Variants in NHSL2 observed in about 807,000 individuals in gnomAD.
NHSL2 encodes the protein NHS-like protein 2.
A neutral mutation model predicts 53.4 loss-of-function variants in NHSL2; 27 were observed. The observed-to-expected ratio is 0.51, with a 90% CI of 0.37 to 0.70. NHSL2 has a LOEUF of 0.70. Among genes scored for constraint, NHSL2 ranks in the 30% least tolerant of loss-of-function variants. The probability of loss-of-function intolerance (pLI) is 0.00; values close to 1 mark genes in which losing one functional copy is unlikely to be tolerated. For synonymous variants in NHSL2, 408 were observed against 404.1 expected (o/e 1.01, Z -0.12); for missense variants, 892 against 980.1 (o/e 0.91, Z 1.20).
chrX:71,938,723 G>A (rs1192309371), intron 1 of NHSL2, among the ~76,000 whole-genome samples: 1 of 113,073 alleles, frequency 8.8e-6, no homozygotes, highest in African/African-American at 3.2e-5. Flanking sequence ...AGGAAATGGA[G>A]TGAAGAGAAT....
rs746076671 is a variant in NHSL2 at position 71,999,199 on chromosome X, C to T, written c.280+87832C>T. On this transcript the variant is annotated intron_variant, in intron 1 of 7. Transcript: ENST00000633930. The stretch of plus-strand genomic sequence containing the variant: ...ACATTCTATTACCCTCTATCGTATC[C>T]ATCGCTCTACAGGCACTGTCTGCTA... Among the ~76,000 whole-genome samples, 5 of 112,398 alleles carry T rather than the reference C, an allele frequency of 4.4e-5. No homozygotes were observed. The South Asian group carries it at 1.8e-3, about 41-fold the overall frequency.
chrX:72,134,468 A>G, intron 3 of NHSL2, 41 bp from the exon 4 acceptor site: 14 of 1,087,279 alleles, frequency 1.3e-5, no homozygotes, highest in Non-Finnish European at 1.6e-5. Flanking sequence ...GCTCATTGCC[A>G]GGCAGGAATA....
At chrX:72,067,614 A>G (rs776747440) in intron 1 of NHSL2, among the ~76,000 whole-genome samples, 2 of 112,402 alleles carry the variant, frequency 1.8e-5, no homozygotes, top group South Asian at 7.4e-4. Flanking sequence ...GCTGTGTTCA[A>G]TCTTCATGAT....
At chrX:71,991,837 TC>T (rs2042028692) in intron 1 of NHSL2, among the ~76,000 whole-genome samples, 1 of 110,818 alleles carries the variant, frequency 9.0e-6, no homozygotes, top group Non-Finnish European at 1.9e-5. Context: ...TCTCTCTCTC[TC>T]TCTCTCTCTC....
At chrX:72,000,940 T>C (rs961579694) in intron 1 of NHSL2, among the ~76,000 whole-genome samples, 2 of 112,345 alleles carry the variant, frequency 1.8e-5, no homozygotes, top group African/African-American at 6.5e-5. Flanking sequence ...GTGGGGGCTA[T>C]AATCCTGTCT....
intron 1 of NHSL2, among the ~76,000 whole-genome samples, chrX:71,999,726 A>G (rs2042064655): frequency 8.9e-6 from 1 of 112,220 alleles, no homozygotes; most frequent in Non-Finnish European, 1.9e-5. Flanking sequence ...AAGCTGGGTA[A>G]AGGGTACACA....
chrX:72,137,970 A>G (rs975766698), intron 5 of NHSL2, among the ~76,000 whole-genome samples: 1 of 111,483 alleles, frequency 9.0e-6, no homozygotes, highest in Non-Finnish European at 1.9e-5. Flanking sequence ...AAAGCCTAAA[A>G]GTGATGGGTG....
chrX:72,144,462 C>T lies in NHSL2; in HGVS notation c.*888C>T. On this transcript the variant is annotated 3_prime_UTR_variant, in exon 8 of 8. Transcript: ENST00000633930. ...TGCTGCATTCTAAGAACTCTCATTT[C>T]ATTTGCATATAAAATTCATTACAGG... is the stretch of plus-strand genomic sequence containing the variant. The T allele has an allele frequency of 2.2e-6, 2 of 916,116 alleles. No individual in the cohort carries two copies. Among genetic ancestry groups the T allele is most frequent in the Admixed American group, 2.5e-5 (1 of 39,901 alleles). The allele number at this position is 916,116 out of a possible 1,213,427, so 75.5% of individuals were successfully genotyped here.
chrX:71,972,429 A>G (rs909492565), intron 1 of NHSL2, among the ~76,000 whole-genome samples: 2 of 112,614 alleles, frequency 1.8e-5, no homozygotes, highest in African/African-American at 6.5e-5. Flanking sequence ...TGAATATGTC[A>G]TCTCAATACC....
chrX:72,131,295 TC>T, intron 1 of NHSL2: 3 of 1,197,859 alleles, frequency 2.5e-6, no homozygotes, highest in South Asian at 1.8e-5. Context: ...AGGGCAGTTC[TC>T]CCCCGGGAAT....
chrX:72,097,506 A>G (rs999913846), intron 1 of NHSL2, among the ~76,000 whole-genome samples: 1 of 112,020 alleles, frequency 8.9e-6, no homozygotes, highest in Non-Finnish European at 1.9e-5. Flanking sequence ...TCTTTATTCT[A>G]AAGAATTTAT....
chrX:71,985,368 A>G lies in NHSL2; in HGVS notation c.280+74001A>G, dbSNP rs774676010. ...TTCCCAAGGGGCTTTTATTGGCTCT[A>G]TAAGTCAAGTTTGATTCCTTAAAGG... On this transcript the variant is annotated intron_variant, in intron 1 of 7. Coordinates refer to ENST00000633930, the MANE Select transcript of NHSL2 (RefSeq NM_001013627.3). Among the ~76,000 whole-genome samples, 16 of 112,312 alleles carry G rather than the reference A, an allele frequency of 1.4e-4. No homozygotes were observed. In the East Asian group the frequency reaches 3.6e-3, roughly 26 times the overall value.
chrX:72,044,178 G>C (rs1388939464), intron 1 of NHSL2, among the ~76,000 whole-genome samples: 1 of 111,911 alleles, frequency 8.9e-6, no homozygotes, highest in African/African-American at 3.3e-5. Context: ...TGGCACAGTG[G>C]GCAAAGCGAG....
chrX:72,130,257 CTCATCT>C (rs760830014), intron 1 of NHSL2: 10 of 1,207,578 alleles, frequency 8.3e-6, no homozygotes. Flanking sequence ...GGCCCCCATC[CTCATCT>C]TCATCTTCTT....
At chrX:72,025,342 T>C (rs916480274) in intron 1 of NHSL2, among the ~76,000 whole-genome samples, 1 of 112,721 alleles carries the variant, frequency 8.9e-6, no homozygotes, top group Non-Finnish European at 1.9e-5. Flanking sequence ...GTCCACGCCA[T>C]GGCCTAGAAG....
At chrX:72,137,003 C>A in intron 4 of NHSL2, 91 bp from the exon 5 acceptor site, 1 of 785,606 alleles carries the variant, frequency 1.3e-6, no homozygotes, top group Non-Finnish European at 1.8e-6. Flanking sequence ...ATGCTTATCA[C>A]GACTGCCATC....
chrX:72,139,108 G>T lies in NHSL2; in HGVS notation c.1560G>T (p.Glu520Asp), dbSNP rs141830886. ...VDYDEEQKAN[E>D]ACALPFASTS... is the part of the protein sequence containing the mutation. ...ATGATGAGGAGCAGAAGGCCAATGA[G>T]GCCTGTGCCCTGCCTTTTGCCAGTA... The change falls in exon 6 of 8, where the codon GAG becomes GAT. Residue 520 changes from glutamate to aspartate, a missense_variant. Transcript: ENST00000633930. 42 of 1,168,975 alleles carry T rather than the reference G, an allele frequency of 3.6e-5. No individual in the cohort carries two copies. In the African/African-American group the frequency reaches 6.8e-4, roughly 19 times the overall value.
intron 1 of NHSL2, among the ~76,000 whole-genome samples, chrX:72,013,342 T>C (rs1342278705): frequency 8.9e-6 from 1 of 112,004 alleles, no homozygotes; most frequent in Non-Finnish European, 1.9e-5. Flanking sequence ...TGTTCATTGC[T>C]AGTATATAGA....
Position 72,138,793 on chromosome X carries a change from G to A in NHSL2, c.1245G>A (p.Gly415=). ...TSQSNQVNEN[G]KNPSCGNSWV... ...AGAGCAATCAAGTCAATGAAAATGG[G>A]AAAAATCCTTCCTGTGGGAATTCTT... The change falls in exon 6 of 8, where the codon GGG becomes GGA. Residue 415 remains glycine, a synonymous_variant. Transcript: ENST00000633930. 3 of 1,210,806 alleles carry A rather than the reference G, an allele frequency of 2.5e-6. No individual in the cohort carries two copies. The highest frequency in any genetic ancestry group is 3.4e-6 in the Non-Finnish European group (3 of 894,793).
Sources: allele counts gnomAD v4.1 joint callset (sites outside exome capture counted in the v4.1 genomes callset), GRCh38; gene constraint gnomAD v4.1.1; transcripts MANE v1.5; gene names NCBI Gene and HGNC (gene_info 2026-07-23, HGNC 2026-07-21).